Variants in FOCAD observed in about 807,000 individuals in gnomAD.
FOCAD encodes the protein focadhesin.
FOCAD carries 198 observed loss-of-function variants against 225.6 expected under a neutral mutation model. That is an observed-to-expected ratio of 0.88 (90% CI 0.78 to 0.99). The LOEUF (loss-of-function observed/expected upper bound fraction) is 0.99. Ranked by LOEUF, FOCAD falls within the 50% of genes least tolerant of loss-of-function variation. The pLI is 0.00. For synonymous variants in FOCAD, 897 were observed against 755.0 expected (o/e 1.19, Z -3.08); for missense variants, 2,713 against 2,123.6 (o/e 1.28, Z -5.46).
intron 1 of FOCAD, chr9:20,658,509 G>A (rs1196287997): frequency 6.4e-6 from 1 of 156,628 alleles, no homozygotes; most frequent in African/African-American, 2.4e-5. Context: ...CGTCGGAAAA[G>A]CGCAGTATTC....
At chr9:20,873,239 T>G (rs936603833) in intron 18 of FOCAD, among the ~76,000 whole-genome samples, 12 of 152,140 alleles carry the variant, frequency 7.9e-5, no homozygotes, top group African/African-American at 2.9e-4. Context: ...TTTGCCACGT[T>G]ACTATGATGT....
chr9:20,730,402 AT>A (rs1488770793), intron 4 of FOCAD, among the ~76,000 whole-genome samples: 5 of 152,168 alleles, frequency 3.3e-5, no homozygotes, highest in Admixed American at 6.5e-5. Context: ...TATTTACTAA[AT>A]TCCAAAATAA....
At chr9:20,858,839 TTGAC>T (rs111560820) in intron 15 of FOCAD, among the ~76,000 whole-genome samples, 1 of 151,388 alleles carries the variant, frequency 6.6e-6, no homozygotes, top group African/African-American at 2.4e-5. Flanking sequence ...AATTTCTTCA[TTGAC>T]TGGTCTTTCA....
At chr9:20,811,335 A>G (rs898846921) in intron 11 of FOCAD, among the ~76,000 whole-genome samples, 1 of 152,096 alleles carries the variant, frequency 6.6e-6, no homozygotes, top group Non-Finnish European at 1.5e-5. Context: ...GGTGATAATC[A>G]TGATTTTCTA....
At chr9:20,763,906 T>C (rs1829832473) in intron 6 of FOCAD, among the ~76,000 whole-genome samples, 1 of 152,172 alleles carries the variant, frequency 6.6e-6, no homozygotes, top group East Asian at 1.9e-4. Context: ...GAAATCTAAA[T>C]AGATACAAAA....
Position 20,770,200 on chromosome 9 carries a change from A to C in FOCAD, c.868A>C (p.Ile290Leu), listed in dbSNP as rs761092805. 1 of 1,613,976 alleles carries C rather than the reference A, an allele frequency of 6.2e-7. No homozygotes were observed. Among genetic ancestry groups the C allele is most frequent in the African/African-American group, 1.3e-5 (1 of 74,928 alleles). The part of the protein sequence containing the change: ...LKITGECSSS[I>L]HLLEHSVELL... ...GATAACTGGTGAATGTTCATCTTCAATTCACCTTTTAGAGCACAGTGTTGA... is the reference window on the plus strand; with the variant it reads ...GATAACTGGTGAATGTTCATCTTCACTTCACCTTTTAGAGCACAGTGTTGA... The change falls in exon 8 of 44, where the codon ATT becomes CTT. Residue 290 changes from isoleucine (I) to leucine (L), a missense_variant. Coordinates refer to ENST00000338382, the MANE Select transcript of FOCAD (RefSeq NM_001375567.1).
At chr9:20,779,064 C>T (rs570824695) in intron 9 of FOCAD, among the ~76,000 whole-genome samples, 1 of 152,214 alleles carries the variant, frequency 6.6e-6, no homozygotes, top group Non-Finnish European at 1.5e-5. Flanking sequence ...CATTGTACAG[C>T]AAAATGGAAA....
intron 11 of FOCAD, among the ~76,000 whole-genome samples, chr9:20,797,949 T>G: frequency 6.6e-6 from 1 of 152,168 alleles, no homozygotes; most frequent in Non-Finnish European, 1.5e-5. Flanking sequence ...ATGCTTCCAG[T>G]TTTTGCCCAT....
intron 35 of FOCAD, among the ~76,000 whole-genome samples, chr9:20,961,736 T>G (rs1838750388): frequency 6.6e-6 from 1 of 152,152 alleles, no homozygotes; most frequent in Admixed American, 6.5e-5. Context: ...ATTTGCCCAA[T>G]CCTCCTGGAT....
Position 20,993,298 on chromosome 9 carries a change from C to G in FOCAD, c.5302C>G (p.Leu1768Val). The G allele has an allele frequency of 1.2e-6, 2 of 1,613,938 alleles. No homozygotes were observed. Among genetic ancestry groups the G allele is most frequent in the Non-Finnish European group, 1.7e-6 (2 of 1,179,900 alleles). The change falls in exon 43 of 44, where the codon CTC becomes GTC. Residue 1768 changes from leucine to valine, a missense_variant. Transcript: ENST00000338382. Reference protein sequence around the residue: ...FSIMESPKEALSAQSRDLLKA... With the variant: ...FSIMESPKEAVSAQSRDLLKA... Reference sequence around the variant, plus strand: ...CATCATGGAAAGCCCTAAAGAAGCCCTCTCAGCACAGTCCAGGGATCTTTT... The same window carrying G: ...CATCATGGAAAGCCCTAAAGAAGCCGTCTCAGCACAGTCCAGGGATCTTTT...
chr9:20,680,572 T>A (rs990904681), upstream of FOCAD, among the ~76,000 whole-genome samples: 7 of 152,252 alleles, frequency 4.6e-5, no homozygotes, highest in South Asian at 4.1e-4. Flanking sequence ...ATTTAAATTT[T>A]AAAAATTTAT....
chr9:20,792,883 A>G (rs1820679605), intron 11 of FOCAD, among the ~76,000 whole-genome samples: 1 of 152,186 alleles, frequency 6.6e-6, no homozygotes, highest in Middle Eastern at 3.2e-3. Flanking sequence ...TGATAGTTCT[A>G]CCCAGGGTCA....
intron 35 of FOCAD, among the ~76,000 whole-genome samples, chr9:20,956,110 G>A (rs967018559): frequency 5.3e-5 from 8 of 152,194 alleles, no homozygotes; most frequent in Non-Finnish European, 1.0e-4. Flanking sequence ...TGATCTGCGT[G>A]TGTAAGTATT....
chr9:20,939,864 T>C (rs942407641), intron 28 of FOCAD, among the ~76,000 whole-genome samples: 2 of 151,710 alleles, frequency 1.3e-5, no homozygotes, highest in African/African-American at 4.8e-5. Flanking sequence ...TAACTCGTCA[T>C]TTACATTAGG....
Position 20,849,667 on chromosome 9 carries a change from T to C in FOCAD, c.1921-12911T>C, listed in dbSNP as rs548074577. On this transcript the variant is annotated intron_variant, in intron 15 of 43. Transcript: ENST00000338382. ...ATTAACGTCATGGTTTACAAACTCG[T>C]GTACATGGGGTATTTGAAGACTTTC... Among the ~76,000 whole-genome samples, 42 of 152,082 alleles carry C rather than the reference T, an allele frequency of 2.8e-4. No individual in the cohort carries two copies. In the South Asian group the frequency reaches 8.5e-3, roughly 31 times the overall value.
chr9:20,933,756 G>A (rs1162894066), intron 28 of FOCAD, among the ~76,000 whole-genome samples: 1 of 152,132 alleles, frequency 6.6e-6, no homozygotes, highest in Admixed American at 6.6e-5. Context: ...GGATCAAATG[G>A]TGGTTCTACT....
intron 35 of FOCAD, among the ~76,000 whole-genome samples, chr9:20,959,433 A>G (rs1011601128): frequency 9.2e-5 from 14 of 152,282 alleles, no homozygotes; most frequent in Non-Finnish European, 1.6e-4. Context: ...TATTCTGGAT[A>G]TTAGTCCCTT....
At chr9:20,884,711 C>T (rs1259721051) in intron 20 of FOCAD, among the ~76,000 whole-genome samples, 1 of 152,076 alleles carries the variant, frequency 6.6e-6, no homozygotes, top group East Asian at 1.9e-4. Context: ...ATAAATATCT[C>T]TATCCAGATT....
At chr9:20,696,481 C>G (rs1823377154) in intron 1 of FOCAD, among the ~76,000 whole-genome samples, 1 of 152,176 alleles carries the variant, frequency 6.6e-6, no homozygotes, top group South Asian at 2.1e-4. Flanking sequence ...GGTTTGAATG[C>G]TTGTCCCTCT....
Sources: gnomAD v4.1 joint callset for allele counts (sites outside exome capture counted in the v4.1 genomes callset) on GRCh38, gnomAD v4.1.1 for gene constraint, MANE v1.5 for transcripts, NCBI Gene and HGNC (gene_info 2026-07-23, HGNC 2026-07-21) for gene names.